The following THRB variants were observed in gnomAD, a reference collection of about 807,000 sequenced individuals.
THRB encodes the protein thyroid hormone receptor beta, also known as nuclear receptor subfamily 1 group A member 2.
Under a neutral mutation model 47.8 loss-of-function variants are expected in THRB, and 12 were observed. That is an observed-to-expected ratio of 0.25 (90% CI 0.16 to 0.41). The LOEUF (loss-of-function observed/expected upper bound fraction) is 0.41, where lower values mean the gene tolerates loss of function less well. Ranked by LOEUF, THRB falls within the 10% of genes least tolerant of loss-of-function variation. The pLI is 1.00. For synonymous variants in THRB, 218 were observed against 212.2 expected (o/e 1.03, Z -0.24); for missense variants, 348 against 589.2 (o/e 0.59, Z 4.24).
intron 1 of THRB, among the ~76,000 whole-genome samples, chr3:24,362,492 C>A (rs1441432731): frequency 6.6e-6 from 1 of 152,118 alleles, no homozygotes; most frequent in Non-Finnish European, 1.5e-5. Context: ...TTCCTACATT[C>A]CCCTTCTTCT....
At chr3:24,378,962 G>T (rs977137688) in intron 1 of THRB, among the ~76,000 whole-genome samples, 1 of 151,958 alleles carries the variant, frequency 6.6e-6, no homozygotes, top group Admixed American at 6.6e-5. Context: ...TTAAAAAAAT[G>T]CCAGCACCAT....
At chr3:24,248,366 G>C (rs1004608542) in intron 3 of THRB, among the ~76,000 whole-genome samples, 1 of 152,100 alleles carries the variant, frequency 6.6e-6, no homozygotes, top group African/African-American at 2.4e-5. Context: ...AAAGCCAAGA[G>C]ATATTTGGAA....
At chr3:24,447,952 A>G (rs894296319) in intron 1 of THRB, among the ~76,000 whole-genome samples, 1 of 152,030 alleles carries the variant, frequency 6.6e-6, no homozygotes, top group African/African-American at 2.4e-5. Context: ...CGACCACTTC[A>G]TTTGGTAATT....
intron 1 of THRB, among the ~76,000 whole-genome samples, chr3:24,342,606 C>T (rs1257585972): frequency 6.6e-6 from 1 of 152,178 alleles, no homozygotes; most frequent in African/African-American, 2.4e-5. Flanking sequence ...AATGGCTGAA[C>T]CCAGAGGAGG....
chr3:24,186,981 C>T (rs1487606192), intron 5 of THRB, among the ~76,000 whole-genome samples: 1 of 122,384 alleles, frequency 8.2e-6, no homozygotes, highest in Non-Finnish European at 1.8e-5. Flanking sequence ...GTATTCAGAA[C>T]AAAATGAAAA....
intron 3 of THRB, among the ~76,000 whole-genome samples, chr3:24,255,470 T>C (rs537962414): frequency 1.7e-4 from 26 of 152,332 alleles, no homozygotes; most frequent in African/African-American, 6.0e-4. Flanking sequence ...TGCAAGCCAA[T>C]GTAAAATTAA....
chr3:24,472,951 C>T (rs111440635), intron 1 of THRB, among the ~76,000 whole-genome samples: 3,319 of 152,072 alleles, frequency 0.022, 125 homozygotes, highest in African/African-American at 0.075. Flanking sequence ...CTTTTATCTT[C>T]CTATCTTAGG....
At chr3:24,482,918 G>A (rs1696696922) in intron 1 of THRB, among the ~76,000 whole-genome samples, 1 of 152,166 alleles carries the variant, frequency 6.6e-6, no homozygotes, top group African/African-American at 2.4e-5. Flanking sequence ...TTGTGAAGTA[G>A]AAGACAGCCT....
At chr3:24,198,106 C>G (rs898483196) in intron 4 of THRB, among the ~76,000 whole-genome samples, 1 of 152,142 alleles carries the variant, frequency 6.6e-6, no homozygotes, top group African/African-American at 2.4e-5. Context: ...GGCCTGGGAA[C>G]TTTTAACAGT....
intron 2 of THRB, among the ~76,000 whole-genome samples, chr3:24,329,379 A>G (rs1181409814): frequency 6.6e-6 from 1 of 151,888 alleles, no homozygotes; most frequent in Non-Finnish European, 1.5e-5. Flanking sequence ...ACCTGTGTAG[A>G]CTCATCTGAG....
intron 5 of THRB, among the ~76,000 whole-genome samples, chr3:24,174,567 T>C (rs2040883172): frequency 6.6e-6 from 1 of 152,186 alleles, no homozygotes; most frequent in Admixed American, 6.5e-5. Flanking sequence ...CAATAATCTT[T>C]AGTTTTTAAG....
At chr3:24,214,596 AG>A (rs1027063855) in intron 4 of THRB, among the ~76,000 whole-genome samples, 1 of 152,230 alleles carries the variant, frequency 6.6e-6, no homozygotes, top group Non-Finnish European at 1.5e-5. Context: ...AGGCTGCATC[AG>A]TGGCTGAGAT....
chr3:24,320,666 T>C (rs967806160), intron 2 of THRB, among the ~76,000 whole-genome samples: 1 of 152,072 alleles, frequency 6.6e-6, no homozygotes, highest in Non-Finnish European at 1.5e-5. Flanking sequence ...AGTGTAAATA[T>C]CTAATGTTAA....
chr3:24,235,807 T>C (rs895474708), intron 3 of THRB, among the ~76,000 whole-genome samples: 1 of 152,106 alleles, frequency 6.6e-6, no homozygotes, highest in Non-Finnish European at 1.5e-5. Flanking sequence ...GTGGACATGC[T>C]AGATTTCCTA....
At chr3:24,307,749 C>T (rs2057459282) in intron 2 of THRB, among the ~76,000 whole-genome samples, 1 of 152,100 alleles carries the variant, frequency 6.6e-6, no homozygotes. Flanking sequence ...AATTGCTGTT[C>T]CAAACCATTT....
At chr3:24,231,946 G>A (rs1238981123) in intron 3 of THRB, among the ~76,000 whole-genome samples, 1 of 152,090 alleles carries the variant, frequency 6.6e-6, no homozygotes, top group Non-Finnish European at 1.5e-5. Flanking sequence ...AGGTCAGTGA[G>A]GAGGAAGGGT....
chr3:24,141,343 G>T (rs1373556496), intron 8 of THRB, among the ~76,000 whole-genome samples: 2 of 152,186 alleles, frequency 1.3e-5, no homozygotes, highest in Non-Finnish European at 2.9e-5. Context: ...ATTATATTTT[G>T]CTTTATAGAG....
intron 5 of THRB, among the ~76,000 whole-genome samples, chr3:24,178,728 G>A (rs192894372): frequency 2.6e-3 from 391 of 152,192 alleles, no homozygotes; most frequent in African/African-American, 9.0e-3. Context: ...AGCTGAAATC[G>A]AAGCAGACTA....
intron 3 of THRB, among the ~76,000 whole-genome samples, chr3:24,248,232 G>A (rs138638046): frequency 6.6e-6 from 1 of 152,116 alleles, no homozygotes; most frequent in East Asian, 1.9e-4. Context: ...CAAATGAACT[G>A]CCCTTGAACC....
Sources: allele counts gnomAD v4.1 joint callset (sites outside exome capture counted in the v4.1 genomes callset), GRCh38; gene constraint gnomAD v4.1.1; transcripts MANE v1.5; gene names NCBI Gene and HGNC (gene_info 2026-07-23, HGNC 2026-07-21).